The following CNEP1R1 variants were observed in gnomAD, a reference collection of about 807,000 sequenced individuals.
CNEP1R1 encodes the protein nuclear envelope phosphatase-regulatory subunit 1.
Under a neutral mutation model 22.7 loss-of-function variants are expected in CNEP1R1, and 10 were observed. The ratio of observed to expected loss-of-function variants is 0.44; its 90% CI spans 0.27 to 0.75. The LOEUF is 0.75. CNEP1R1 is among the 30% of genes least tolerant of loss of function. The pLI, the probability that CNEP1R1 is intolerant of heterozygous loss-of-function variation, is 0.17. For missense variants in CNEP1R1, 73 were observed against 151.5 expected (o/e 0.48, Z 2.72); for synonymous variants, 53 against 50.1 (o/e 1.06, Z -0.25).
chr16:50,027,691 A>T, intron 2 of CNEP1R1, among the ~76,000 whole-genome samples: 1 of 152,054 alleles, frequency 6.6e-6, no homozygotes, highest in Admixed American at 6.5e-5. Context: ...AAAAAAAAAA[A>T]AAGTAAAGTC....
chr16:50,028,028 G>C (rs1245957611), intron 2 of CNEP1R1, among the ~76,000 whole-genome samples: 7 of 152,134 alleles, frequency 4.6e-5, no homozygotes, highest in Admixed American at 4.6e-4. Flanking sequence ...CGCCATCTTC[G>C]CTCACTGCAA....
In CNEP1R1 at chr16:50,029,755, C is replaced by T. The variant is rs780919598; in HGVS notation, c.128C>T (p.Ala43Val). 6.2e-7 allele frequency: 1 copy of T among 1,610,758 alleles called. No homozygotes were observed. The highest frequency in any genetic ancestry group is 8.5e-7 in the Non-Finnish European group (1 of 1,177,546). Residue 43 changes from alanine (A) to valine (V), a missense_variant, in exon 3 of 6, where the codon GCT becomes GTT. Transcript: ENST00000427478. The stretch of plus-strand genomic sequence containing the variant: ...CTTATAGTGGTATCTGTCTGTACAG[C>T]TACTGGTGCCTGGAACTGGTTAATA... ...MLLIVVSVCT[A>V]TGAWNWLIDP... is the part of the protein sequence containing the mutation.
Position 50,035,477 on chromosome 16 carries a change from A to T in CNEP1R1, c.*19A>T, listed in dbSNP as rs775949974. 1 of 1,559,762 alleles carries T rather than the reference A, an allele frequency of 6.4e-7. No individual in the cohort carries two copies. The highest frequency in any genetic ancestry group is 8.7e-7 in the Non-Finnish European group (1 of 1,143,096). On this transcript the variant is annotated 3_prime_UTR_variant, in exon 6 of 6. Transcript: ENST00000427478. ...TCAATGACAATCTTCACTCATTGTTATGGGACTTAAAATAGCCTTTCTTCG... is the reference window on the plus strand; with the variant it reads ...TCAATGACAATCTTCACTCATTGTTTTGGGACTTAAAATAGCCTTTCTTCG...
chr16:50,034,539 T>A (rs576626144), intron 5 of CNEP1R1: 150 of 48,302 alleles, frequency 3.1e-3, no homozygotes, highest in Admixed American at 0.013. Flanking sequence ...ATATATGTTA[T>A]TTGTAAATAT....
intron 2 of CNEP1R1, 160 bp downstream of exon 2, chr16:50,026,627 C>A: frequency 1.6e-6 from 1 of 614,826 alleles, no homozygotes; most frequent in Non-Finnish European, 2.8e-6. Flanking sequence ...TTATAACTGG[C>A]CTTCTCAAAA....
intron 3 of CNEP1R1, among the ~76,000 whole-genome samples, chr16:50,031,556 T>C (rs1011184165): frequency 6.6e-6 from 1 of 152,224 alleles, no homozygotes; most frequent in African/African-American, 2.4e-5. Flanking sequence ...TCTCAGCTAG[T>C]TGAGATCTTA....
chr16:50,031,192 T>G (rs1405272435), intron 3 of CNEP1R1, among the ~76,000 whole-genome samples: 1 of 152,214 alleles, frequency 6.6e-6, no homozygotes, highest in African/African-American at 2.4e-5. Context: ...ATTTGTACCT[T>G]TTAGGTTTTA....
chr16:50,033,219 C>G (rs933032300), intron 3 of CNEP1R1, among the ~76,000 whole-genome samples, 178 bp from the exon 4 acceptor site: 1 of 151,872 alleles, frequency 6.6e-6, no homozygotes, highest in African/African-American at 2.4e-5. Context: ...AGAAGATAGC[C>G]TATACATTTT....
chr16:50,028,753 A>T (rs1487570671), intron 2 of CNEP1R1, among the ~76,000 whole-genome samples: 2 of 152,174 alleles, frequency 1.3e-5, no homozygotes. Flanking sequence ...TTTTTAAAAC[A>T]TACATGTGTA....
chr16:50,026,583 A>G (rs1259355355), intron 2 of CNEP1R1, 116 bp downstream of exon 2: 1 of 791,216 alleles, frequency 1.3e-6, no homozygotes, highest in African/African-American at 1.7e-5. Context: ...CATTGTAGAC[A>G]ATGCCTTATG....
At chr16:50,028,244 A>G (rs1047963384) in intron 2 of CNEP1R1, among the ~76,000 whole-genome samples, 10 of 152,210 alleles carry the variant, frequency 6.6e-5, no homozygotes, top group Non-Finnish European at 1.3e-4. Flanking sequence ...TACAGGTGTG[A>G]GCCACCACGC....
At chr16:50,026,850 G>A in intron 2 of CNEP1R1, 1 of 176,932 alleles carries the variant, frequency 5.7e-6, no homozygotes, top group Non-Finnish European at 1.2e-5. Context: ...GACGCTGCCT[G>A]TGATCCCAGC....
At chr16:50,034,068 A>G (rs2036255242) in intron 4 of CNEP1R1, 34 bp from the exon 5 acceptor site, 1 of 1,552,322 alleles carries the variant, frequency 6.4e-7, no homozygotes, top group African/African-American at 1.4e-5. Flanking sequence ...ATACTCTTGA[A>G]ATGAGAAATT....
Position 50,035,628 on chromosome 16 carries a change from T to A in CNEP1R1, c.*170T>A, listed in dbSNP as rs1244684662. 8.8e-6 allele frequency: 5 copies of A among 569,660 alleles called. No individual in the cohort carries two copies. Among genetic ancestry groups the A allele is most frequent in the Non-Finnish European group, 1.5e-5 (5 of 322,692 alleles). The allele number at this position is 569,660 out of a possible 1,614,324, so 35.3% of individuals were successfully genotyped here. A position where few individuals can be genotyped will look rare whatever the true frequency, so the allele number is the denominator to read the frequency against. On this transcript the variant is annotated 3_prime_UTR_variant, in exon 6 of 6. Transcript: ENST00000427478. ...TTATCTTGATGATGGTGACTCATTATCAGTGCTTTGGTACTTTTGATTACC... is the reference window on the plus strand; with the variant it reads ...TTATCTTGATGATGGTGACTCATTAACAGTGCTTTGGTACTTTTGATTACC...
chr16:50,030,652 A>G (rs1195594311), intron 3 of CNEP1R1, among the ~76,000 whole-genome samples: 1 of 152,220 alleles, frequency 6.6e-6, no homozygotes, highest in East Asian at 1.9e-4. Context: ...TCACTGATGT[A>G]TAGGCCATGT....
rs1336118528 is a variant in CNEP1R1 at position 50,036,180 on chromosome 16, C to T, written c.*722C>T. 1 of 146,860 alleles carries T rather than the reference C, an allele frequency of 6.8e-6. No individual in the cohort carries two copies. The allele number at this position is 146,860 out of a possible 1,614,324, so 9.1% of individuals were successfully genotyped here. On this transcript the variant is annotated 3_prime_UTR_variant, in exon 6 of 6. Transcript: ENST00000427478. ...TTTTAGACGGAGTCTCGCTCTGTTG[C>T]CAGGCTGGAGGGCAGTGGCACGATC...
rs916168183 is a variant in CNEP1R1 at position 50,035,751 on chromosome 16, G to A, written c.*293G>A. The A allele has an allele frequency of 2.0e-5, 6 of 293,952 alleles. No individual in the cohort carries two copies. The highest frequency in any genetic ancestry group is 3.8e-5 in the Non-Finnish European group (6 of 159,476). The allele number at this position is 293,952 out of a possible 1,614,324, so 18.2% of individuals were successfully genotyped here. On this transcript the variant is annotated 3_prime_UTR_variant, in exon 6 of 6. Transcript: ENST00000427478. ...TGTTACTAAGTTAAACTTAGAAACA[G>A]AACCTCATTCAGTTTTTATAATGTA...
intron 1 of CNEP1R1, chr16:50,025,587 C>A (rs1437926280): frequency 2.9e-5 from 43 of 1,457,678 alleles, no homozygotes; most frequent in Middle Eastern, 3.6e-4. Context: ...ATTTTCTTTT[C>A]ACTGGCAGAC....
rs2036216521 is a variant in CNEP1R1, at chr16:50,029,798, G to A, written c.171G>A (p.Lys57=). The stretch of plus-strand genomic sequence containing the variant: ...GGTTAATAGACCCTGAGACACAAAA[G>A]GTAGAAGTTTTGTTTTAAAATCATT... The part of the protein sequence containing the change: ...WNWLIDPETQ[K]VSFFTSLWNH... Residue 57 remains lysine, a splice_region_variant and synonymous_variant, in exon 3 of 6, where the codon AAG becomes AAA. Transcript: ENST00000427478. 6.3e-7 allele frequency: 1 copy of A among 1,581,208 alleles called. No homozygotes were observed. Among genetic ancestry groups the A allele is most frequent in the Non-Finnish European group, 8.7e-7 (1 of 1,151,440 alleles).
Sources: gnomAD v4.1 joint callset for allele counts (sites outside exome capture counted in the v4.1 genomes callset) on GRCh38, gnomAD v4.1.1 for gene constraint, MANE v1.5 for transcripts, NCBI Gene and HGNC (gene_info 2026-07-23, HGNC 2026-07-21) for gene names.